KSR2: variants seen among roughly 807,000 people sequenced by gnomAD.
KSR2 encodes the protein kinase suppressor of ras 2.
In KSR2, 25 loss-of-function variants were observed where a neutral mutation model predicts 107.8. The ratio of observed to expected loss-of-function variants is 0.23; its 90% CI spans 0.17 to 0.32. The LOEUF is 0.32. Ranked by LOEUF, KSR2 falls within the 10% of genes least tolerant of loss-of-function variation. KSR2 has a pLI of 1.00. For missense variants in KSR2, 887 were observed against 1,268.9 expected (o/e 0.70, Z 4.57); for synonymous variants, 480 against 507.0 (o/e 0.95, Z 0.71).
intron 4 of KSR2, among the ~76,000 whole-genome samples, chr12:117,686,224 T>A (rs1179949739): frequency 9.2e-6 from 1 of 108,754 alleles, no homozygotes; most frequent in Admixed American, 1.1e-4. Context: ...AATTTTTTTT[T>A]TTTTTTTTTT....
intron 1 of KSR2, among the ~76,000 whole-genome samples, chr12:117,937,680 C>T (rs553020027): frequency 8.2e-4 from 124 of 151,784 alleles, no homozygotes; most frequent in African/African-American, 2.9e-3. Context: ...GAGCCTGAGC[C>T]AGGCACAGTG....
chr12:117,946,065 G>T (rs1177221375), intron 1 of KSR2, among the ~76,000 whole-genome samples: 1 of 152,158 alleles, frequency 6.6e-6, no homozygotes, highest in Non-Finnish European at 1.5e-5. Flanking sequence ...GTGGGATACA[G>T]CTAAAGTAGT....
At chr12:117,792,265 G>A (rs143604162) in intron 3 of KSR2, among the ~76,000 whole-genome samples, 2 of 152,206 alleles carry the variant, frequency 1.3e-5, no homozygotes, top group African/African-American at 4.8e-5. Context: ...CAGGAGGATT[G>A]CTTAAGCCCG....
chr12:117,567,012 A>T (rs1878537026), intron 7 of KSR2, among the ~76,000 whole-genome samples: 1 of 151,412 alleles, frequency 6.6e-6, no homozygotes, highest in African/African-American at 2.4e-5. Context: ...TTTACTGAGC[A>T]TTTACCATGT....
intron 14 of KSR2, among the ~76,000 whole-genome samples, chr12:117,490,384 A>G (rs751554569): frequency 7.2e-5 from 11 of 152,216 alleles, no homozygotes; most frequent in Non-Finnish European, 1.6e-4. Context: ...TGTCCTGGGC[A>G]CATTCTATGT....
chr12:117,885,990 G>A (rs1593339820), intron 1 of KSR2, among the ~76,000 whole-genome samples: 1 of 152,100 alleles, frequency 6.6e-6, no homozygotes, highest in Middle Eastern at 3.4e-3. Context: ...CAGCTACTCA[G>A]GAGGCTGAGG....
intron 15 of KSR2, among the ~76,000 whole-genome samples, chr12:117,484,956 C>T (rs1414248969): frequency 6.6e-6 from 1 of 152,192 alleles, no homozygotes; most frequent in Non-Finnish European, 1.5e-5. Flanking sequence ...CAATGAGTTC[C>T]TAAAGAGATG....
In KSR2 at chr12:117,897,405, C is replaced by T. The variant is rs1894549253; in HGVS notation, c.181-36974G>A. Among the ~76,000 whole-genome samples the T allele has an allele frequency of 6.6e-6, 1 of 152,150 alleles. No homozygotes were observed. Among genetic ancestry groups the T allele is most frequent in the South Asian group, 2.1e-4 (1 of 4,824 alleles). ...GAAAAAAAGAAAGCGCTCCAGCCTA[C>T]CCAGCACTCTCCATTATCAGTAGGC... On this transcript the variant is annotated intron_variant, in intron 1 of 19. Coordinates refer to ENST00000339824, the MANE Select transcript of KSR2 (RefSeq NM_173598.6). The surrounding 1 kb of genome is among the most constrained non-coding windows in gnomAD (Gnocchi z 4.5).
intron 5 of KSR2, among the ~76,000 whole-genome samples, chr12:117,593,433 C>T (rs1027255707): frequency 2.0e-5 from 3 of 152,236 alleles, no homozygotes; most frequent in African/African-American, 7.2e-5. Context: ...CTGGAATCTG[C>T]AAGTTGGGCT....
At chr12:117,472,966 G>A (rs1167999408) in intron 17 of KSR2, among the ~76,000 whole-genome samples, 3 of 152,050 alleles carry the variant, frequency 2.0e-5, no homozygotes, top group African/African-American at 7.2e-5. Context: ...GCTTTCACAG[G>A]CTAATCAGAT....
chr12:117,494,096 A>G (rs1872890676), intron 14 of KSR2, among the ~76,000 whole-genome samples: 1 of 152,186 alleles, frequency 6.6e-6, no homozygotes, highest in Admixed American at 6.5e-5. Context: ...GAACACACGA[A>G]TGAATGAATG....
At chr12:117,470,402 C>T (rs1037466646) in intron 18 of KSR2, among the ~76,000 whole-genome samples, 10 of 152,126 alleles carry the variant, frequency 6.6e-5, no homozygotes, top group African/African-American at 1.9e-4. Context: ...TCCATCCATC[C>T]ATCCATCCGT....
intron 3 of KSR2, among the ~76,000 whole-genome samples, chr12:117,794,070 ATACACCAACATGCACACT>A (rs1890455904): frequency 3.9e-5 from 4 of 103,278 alleles, no homozygotes; most frequent in African/African-American, 1.7e-4. Flanking sequence ...ACATGCACAC[ATACACCAACATGCACACT>A]CACACCAACA....
At chr12:117,869,130 G>A (rs1034586788) in intron 1 of KSR2, among the ~76,000 whole-genome samples, 2 of 151,980 alleles carry the variant, frequency 1.3e-5, no homozygotes, top group East Asian at 2.0e-4. Context: ...CCAGCACTTT[G>A]GGAGGCCGAG....
At chr12:117,956,240 A>C in intron 1 of KSR2, among the ~76,000 whole-genome samples, 1 of 123,518 alleles carries the variant, frequency 8.1e-6, no homozygotes, top group African/African-American at 3.2e-5. Flanking sequence ...ACAGAGCAAG[A>C]CTCTGTCTCA....
At chr12:117,947,242 AAAGAAAGAAAGAAAG>A (rs1295703474) in intron 1 of KSR2, among the ~76,000 whole-genome samples, 49 of 123,990 alleles carry the variant, frequency 4.0e-4, no homozygotes, top group African/African-American at 1.5e-3. Flanking sequence ...AGAAAGAAAG[AAAGAAAGAAAGAAAG>A]AAGATAAACC....
intron 1 of KSR2, among the ~76,000 whole-genome samples, chr12:117,906,600 C>A (rs888569930): frequency 9.2e-5 from 14 of 151,536 alleles, no homozygotes; most frequent in African/African-American, 3.4e-4. Context: ...GAGCAAAACT[C>A]CTTCTCAAAA....
chr12:117,489,148 TTG>T (rs149009044), intron 14 of KSR2, among the ~76,000 whole-genome samples: 31 of 148,780 alleles, frequency 2.1e-4, no homozygotes, highest in Non-Finnish European at 3.7e-4. Flanking sequence ...GTGATGGCCC[TTG>T]TGTGTGTGTG....
intron 4 of KSR2, among the ~76,000 whole-genome samples, chr12:117,745,292 C>G (rs1307121143): frequency 1.3e-5 from 2 of 152,100 alleles, no homozygotes; most frequent in Non-Finnish European, 2.9e-5. Flanking sequence ...ATAAAATAAA[C>G]CATGATATGA....
Sources: allele counts gnomAD v4.1 joint callset (sites outside exome capture counted in the v4.1 genomes callset), GRCh38; gene constraint gnomAD v4.1.1; non-coding constraint Gnocchi (gnomAD v3.1); transcripts MANE v1.5; gene names NCBI Gene and HGNC (gene_info 2026-07-23, HGNC 2026-07-21).